The following FAM13A variants were observed in gnomAD, a reference collection of about 807,000 sequenced individuals.
FAM13A encodes family with sequence similarity 13 member A, also known as protein FAM13A.
A neutral mutation model predicts 129.6 loss-of-function variants in FAM13A; 76 were observed. The observed-to-expected ratio is 0.59, with a 90% CI of 0.49 to 0.71. The LOEUF (loss-of-function observed/expected upper bound fraction) is 0.71, where lower values mean the gene tolerates loss of function less well. FAM13A is among the 30% of genes least tolerant of loss of function. FAM13A has a pLI of 0.00. For missense variants in FAM13A, 1,108 were observed against 1,249.3 expected, an observed-to-expected ratio of 0.89 and a Z score of 1.70; for synonymous variants, 443 against 449.9, an observed-to-expected ratio of 0.98 and a Z score of 0.20.
chr4:88,944,640 G>A (rs1397711045), intron 4 of FAM13A, among the ~76,000 whole-genome samples: 1 of 152,176 alleles, frequency 6.6e-6, no homozygotes, highest in African/African-American at 2.4e-5. Context: ...GGTGGCTCAC[G>A]CCTGTAATCC....
At chr4:89,011,571 T>C (rs999163228) in intron 3 of FAM13A, among the ~76,000 whole-genome samples, 3 of 152,054 alleles carry the variant, frequency 2.0e-5, no homozygotes, top group Non-Finnish European at 2.9e-5. Flanking sequence ...TTATTATTTA[T>C]ATATAAATAT....
intron 14 of FAM13A, chr4:88,753,484 C>G (rs1176248118): frequency 6.3e-6 from 1 of 159,350 alleles, no homozygotes; most frequent in Non-Finnish European, 1.3e-5. Context: ...TCTCCTAAAG[C>G]ATATAGTTAG....
At chr4:88,815,777 A>C (rs140563703) in intron 7 of FAM13A, among the ~76,000 whole-genome samples, 73 of 152,288 alleles carry the variant, frequency 4.8e-4, no homozygotes, top group African/African-American at 1.4e-3. Context: ...ACTTTAAAAT[A>C]TTTATTAGAA....
At chr4:88,861,073 C>A (rs1206952855) in intron 6 of FAM13A, among the ~76,000 whole-genome samples, 1 of 152,134 alleles carries the variant, frequency 6.6e-6, no homozygotes. Flanking sequence ...TGAGGCTCAG[C>A]TGCCTCATCT....
intron 8 of FAM13A, among the ~76,000 whole-genome samples, chr4:88,792,680 C>A (rs1003171942): frequency 6.6e-6 from 1 of 151,948 alleles, no homozygotes; most frequent in Non-Finnish European, 1.5e-5. Context: ...GGGGAAAACC[C>A]AGAAGAGAGT....
intron 6 of FAM13A, among the ~76,000 whole-genome samples, chr4:88,885,529 A>G (rs1744262814): frequency 6.6e-6 from 1 of 152,218 alleles, no homozygotes. Flanking sequence ...AAAAACTTAA[A>G]TCTAAGACCT....
At chr4:88,838,085 T>G (rs956399650) in intron 7 of FAM13A, among the ~76,000 whole-genome samples, 1 of 152,192 alleles carries the variant, frequency 6.6e-6, no homozygotes, top group Non-Finnish European at 1.5e-5. Context: ...AGAGATGATT[T>G]AAAGTATACA....
intron 13 of FAM13A, among the ~76,000 whole-genome samples, chr4:88,761,064 A>T (rs1405822968): frequency 6.6e-6 from 1 of 152,200 alleles, no homozygotes. Context: ...TTTTGCTTAC[A>T]GGCAGACCTG....
chr4:88,894,976 T>C (rs1746032274), intron 6 of FAM13A, among the ~76,000 whole-genome samples: 1 of 152,226 alleles, frequency 6.6e-6, no homozygotes, highest in Non-Finnish European at 1.5e-5. Context: ...ATTCAAAAGT[T>C]ATTCTTTATT....
At chr4:88,989,149 A>T (rs796654729) in intron 4 of FAM13A, among the ~76,000 whole-genome samples, 5 of 150,044 alleles carry the variant, frequency 3.3e-5, no homozygotes, top group African/African-American at 1.2e-4. Context: ...CAGAGGTTTC[A>T]ATGAGCCGAG....
intron 3 of FAM13A, among the ~76,000 whole-genome samples, chr4:89,012,360 G>A (rs1765847157): frequency 2.0e-5 from 3 of 152,176 alleles, no homozygotes; most frequent in African/African-American, 2.4e-5. Context: ...GCCTAACATG[G>A]CAATAGGAAA....
At chr4:88,794,619 TCTC>T (rs1327741438) in intron 8 of FAM13A, among the ~76,000 whole-genome samples, 1 of 151,838 alleles carries the variant, frequency 6.6e-6, no homozygotes, top group Non-Finnish European at 1.5e-5. Flanking sequence ...TTCAGTATGT[TCTC>T]CTCTATGGCA....
At chr4:88,866,611 C>CA (rs898937716) in intron 6 of FAM13A, among the ~76,000 whole-genome samples, 76 of 150,868 alleles carry the variant, frequency 5.0e-4, no homozygotes, top group Admixed American at 1.3e-3. Flanking sequence ...GTCCAGAATA[C>CA]AAAAAAAAAT....
intron 4 of FAM13A, among the ~76,000 whole-genome samples, chr4:88,980,433 G>C (rs769900722): frequency 2.6e-5 from 4 of 152,180 alleles, no homozygotes; most frequent in Admixed American, 6.5e-5. Context: ...AATTATCACA[G>C]TTACAAGTGG....
intron 6 of FAM13A, among the ~76,000 whole-genome samples, chr4:88,888,995 G>A (rs1400249679): frequency 1.3e-5 from 2 of 150,840 alleles, no homozygotes; most frequent in Non-Finnish European, 2.9e-5. Flanking sequence ...CAGTAGGAAA[G>A]CTGCATAGTT....
chr4:89,045,677 A>G (rs1770747141), intron 1 of FAM13A, among the ~76,000 whole-genome samples: 1 of 152,208 alleles, frequency 6.6e-6, no homozygotes. Flanking sequence ...TATAGATTGC[A>G]ATATTTGACC....
At chr4:89,048,239 G>A (rs1167068913) in intron 1 of FAM13A, among the ~76,000 whole-genome samples, 1 of 151,966 alleles carries the variant, frequency 6.6e-6, no homozygotes. Context: ...AACAACCCAA[G>A]GATCTATCAG....
At chr4:89,056,209 T>C (rs976855645) in intron 1 of FAM13A, among the ~76,000 whole-genome samples, 1 of 152,174 alleles carries the variant, frequency 6.6e-6, no homozygotes, top group African/African-American at 2.4e-5. Context: ...ACAATCAAAA[T>C]TTAAATTACA....
At chr4:88,938,026 T>C (rs749847949) in intron 5 of FAM13A, 62 bp downstream of exon 5, 42 of 1,291,888 alleles carry the variant, frequency 3.3e-5, no homozygotes, top group Non-Finnish European at 4.6e-5. Flanking sequence ...TGAGAAAGAA[T>C]TAAATAAAAT....
Sources: allele counts gnomAD v4.1 joint callset (sites outside exome capture counted in the v4.1 genomes callset), GRCh38; gene constraint gnomAD v4.1.1; transcripts MANE v1.5; gene names NCBI Gene and HGNC (gene_info 2026-07-23, HGNC 2026-07-21).